LINGO2: variants seen among roughly 807,000 people sequenced by gnomAD.
LINGO2 encodes leucine-rich repeat and immunoglobulin-like domain-containing nogo receptor-interacting protein 2.
A neutral mutation model predicts 30.6 loss-of-function variants in LINGO2; 14 were observed. The ratio of observed to expected loss-of-function variants is 0.46; its 90% CI spans 0.30 to 0.72. The LOEUF (loss-of-function observed/expected upper bound fraction) is 0.72. Among genes scored for constraint, LINGO2 ranks in the 30% least tolerant of loss-of-function variants. The pLI, the probability that LINGO2 is intolerant of heterozygous loss-of-function variation, is 0.07. For synonymous variants in LINGO2, 317 were observed against 288.5 expected (o/e 1.10, Z -1.00); for missense variants, 729 against 751.7 (o/e 0.97, Z 0.35).
intron 4 of LINGO2, among the ~76,000 whole-genome samples, chr9:28,063,466 G>A (rs1825218710): frequency 6.6e-6 from 1 of 151,042 alleles, no homozygotes; most frequent in African/African-American, 2.4e-5. Flanking sequence ...GTCTTGATAT[G>A]TTGCCCAAGC....
At chr9:28,848,236 TACAC>T in the LINGO2 span, among the ~76,000 whole-genome samples, 3 of 98,716 alleles carry the variant, frequency 3.0e-5, no homozygotes, top group Admixed American at 1.0e-4. Flanking sequence ...AGTGTATATA[TACAC>T]ACTATATATA....
At chr9:28,181,388 T>A (rs1454096387) in intron 4 of LINGO2, among the ~76,000 whole-genome samples, 5 of 152,210 alleles carry the variant, frequency 3.3e-5, no homozygotes, top group Non-Finnish European at 5.9e-5. Context: ...TCTCAGATTT[T>A]CTAGGCAAAG....
At chr9:28,128,391 G>A (rs1226960978) in intron 4 of LINGO2, among the ~76,000 whole-genome samples, 8 of 152,104 alleles carry the variant, frequency 5.3e-5, no homozygotes, top group African/African-American at 2.4e-5. Context: ...TCATGAAAAG[G>A]CCAAACAGGT....
intron 1 of LINGO2, among the ~76,000 whole-genome samples, chr9:28,656,945 A>G (rs554981226): frequency 7.1e-4 from 108 of 152,252 alleles, no homozygotes; most frequent in African/African-American, 2.4e-3. Flanking sequence ...CTCTGCGGAT[A>G]GATCAACATA....
intron 4 of LINGO2, among the ~76,000 whole-genome samples, chr9:28,138,502 A>G (rs1374505612): frequency 1.3e-5 from 2 of 152,190 alleles, no homozygotes; most frequent in East Asian, 1.9e-4. Flanking sequence ...CACTTTTCAT[A>G]TTTGAATCTA....
the LINGO2 span, among the ~76,000 whole-genome samples, chr9:28,785,631 C>G: frequency 6.6e-6 from 1 of 151,098 alleles, no homozygotes; most frequent in Non-Finnish European, 1.5e-5. Flanking sequence ...TTTCCCTGCC[C>G]TCCCTCCCCC....
intron 1 of LINGO2, among the ~76,000 whole-genome samples, chr9:28,490,141 G>C (rs952560844): frequency 1.3e-5 from 2 of 152,076 alleles, no homozygotes; most frequent in Admixed American, 6.6e-5. Context: ...TCCTACCCCA[G>C]TAGGTGGTTA....
chr9:28,591,830 T>A (rs982949419), intron 1 of LINGO2, among the ~76,000 whole-genome samples: 1 of 152,036 alleles, frequency 6.6e-6, no homozygotes, highest in East Asian at 1.9e-4. Context: ...CCAATACTAC[T>A]GTCTTGGAAA....
chr9:28,737,990 G>A, the LINGO2 span, among the ~76,000 whole-genome samples: 1 of 151,986 alleles, frequency 6.6e-6, no homozygotes, highest in East Asian at 1.9e-4. Flanking sequence ...TTTTTTTCTG[G>A]CATTCCCTCT....
At chr9:28,311,019 T>C (rs552385462) in intron 3 of LINGO2, among the ~76,000 whole-genome samples, 1 of 152,254 alleles carries the variant, frequency 6.6e-6, no homozygotes, top group Admixed American at 6.5e-5. Context: ...CGATATTTCA[T>C]GTAGATTCTT....
At chr9:28,394,329 G>A (rs76820301) in intron 2 of LINGO2, among the ~76,000 whole-genome samples, 1,876 of 152,270 alleles carry the variant, frequency 0.012, 40 homozygotes, top group East Asian at 0.094. Flanking sequence ...GATATGAAAC[G>A]TAGTTACTGC....
the LINGO2 span, among the ~76,000 whole-genome samples, chr9:28,974,123 T>C: frequency 6.6e-6 from 1 of 152,128 alleles, no homozygotes; most frequent in Non-Finnish European, 1.5e-5. Flanking sequence ...AATATATAAA[T>C]AGAGGCTGGG....
At chr9:28,655,412 T>C (rs1182057271) in intron 1 of LINGO2, among the ~76,000 whole-genome samples, 1 of 152,086 alleles carries the variant, frequency 6.6e-6, no homozygotes, top group Non-Finnish European at 1.5e-5. Context: ...ACTTGCCTTG[T>C]CTCAGATAAG....
At chr9:29,122,013 C>A in the LINGO2 span, among the ~76,000 whole-genome samples, 142 of 152,018 alleles carry the variant, frequency 9.3e-4, no homozygotes, top group African/African-American at 3.2e-3. Flanking sequence ...AAAATGGAAA[C>A]TTAAGGGTAG....
At chr9:28,951,480 C>T in the LINGO2 span, among the ~76,000 whole-genome samples, 32 of 152,160 alleles carry the variant, frequency 2.1e-4, no homozygotes, top group African/African-American at 7.2e-4. Context: ...CATCCTGCAC[C>T]CTGTCAGCGG....
At chr9:28,357,389 T>C (rs976058245) in intron 3 of LINGO2, among the ~76,000 whole-genome samples, 5 of 146,984 alleles carry the variant, frequency 3.4e-5, no homozygotes, top group African/African-American at 9.9e-5. Flanking sequence ...ATATGGTCTA[T>C]GTTGTGACTA....
the LINGO2 span, among the ~76,000 whole-genome samples, chr9:29,200,635 T>C: frequency 6.6e-6 from 1 of 152,122 alleles, no homozygotes; most frequent in Non-Finnish European, 1.5e-5. Context: ...ATAAACATCT[T>C]ACATAAGTAT....
the LINGO2 span, among the ~76,000 whole-genome samples, chr9:28,988,319 G>C: frequency 3.3e-5 from 5 of 152,008 alleles, no homozygotes; most frequent in African/African-American, 4.8e-5. Context: ...TCGACTTAAA[G>C]TTTATTTTGT....
chr9:28,669,255 G>A (rs1828923263), intron 1 of LINGO2, among the ~76,000 whole-genome samples: 1 of 152,056 alleles, frequency 6.6e-6, no homozygotes. Flanking sequence ...GTTATTGTTT[G>A]AGACAAGTGG....
Sources: gnomAD v4.1 joint callset for allele counts (sites outside exome capture counted in the v4.1 genomes callset) on GRCh38, gnomAD v4.1.1 for gene constraint, MANE v1.5 for transcripts, NCBI Gene and HGNC (gene_info 2026-07-23, HGNC 2026-07-21) for gene names.